GALNT13: variants seen among roughly 807,000 people sequenced by gnomAD.
GALNT13 encodes the protein polypeptide N-acetylgalactosaminyltransferase 13.
A neutral mutation model predicts 64.2 loss-of-function variants in GALNT13; 28 were observed. That is an observed-to-expected ratio of 0.44 (90% CI 0.32 to 0.60). The LOEUF (loss-of-function observed/expected upper bound fraction) is 0.60, where lower values mean the gene tolerates loss of function less well. Ranked by LOEUF, GALNT13 falls within the 20% of genes least tolerant of loss-of-function variation. GALNT13 has a pLI of 0.05. For synonymous variants in GALNT13, 214 were observed against 224.6 expected (o/e 0.95, Z 0.42); for missense variants, 577 against 669.8 (o/e 0.86, Z 1.53).
chr2:154,276,067 C>A (rs145917920), intron 8 of GALNT13, among the ~76,000 whole-genome samples: 7 of 152,196 alleles, frequency 4.6e-5, no homozygotes, highest in East Asian at 1.9e-4. Context: ...AGTGCCTGTA[C>A]CCCCATTGTA....
rs769652772 is a variant in GALNT13 at position 154,140,529 on chromosome 2, TC to T, written c.311+25del. 1.4e-5 allele frequency: 20 copies of T among 1,469,892 alleles called. No individual in the cohort carries two copies. The South Asian group carries it at 2.2e-4, about 16-fold the overall frequency. The allele number at this position is 1,469,892 out of a possible 1,614,324, so 91.1% of individuals were successfully genotyped here. A position where few individuals can be genotyped will look rare whatever the true frequency, so the allele number is the denominator to read the frequency against. Reference sequence around the variant, plus strand: ...GGGTAAGTTTGCATTTGTTATATAATCTTTTATATTCATAATCACCATATTT... The same window carrying T: ...GGGTAAGTTTGCATTTGTTATATAATTTTTATATTCATAATCACCATATTT... On this transcript the variant is annotated intron_variant, in intron 4 of 12. Coordinates refer to ENST00000392825, the MANE Select transcript of GALNT13 (RefSeq NM_052917.4).
chr2:154,370,117 TA>T (rs2105308027), intron 9 of GALNT13, among the ~76,000 whole-genome samples: 1 of 152,218 alleles, frequency 6.6e-6, no homozygotes, highest in East Asian at 1.9e-4. Context: ...TATTGGGGGT[TA>T]GTGTTTCAAC....
intron 3 of GALNT13, among the ~76,000 whole-genome samples, chr2:154,070,181 A>G (rs1428715653): frequency 6.6e-6 from 1 of 152,122 alleles, no homozygotes; most frequent in Non-Finnish European, 1.5e-5. Context: ...TCACTCATTT[A>G]TTGAGCCTAT....
intron 8 of GALNT13, among the ~76,000 whole-genome samples, chr2:154,261,180 G>A (rs1046844020): frequency 3.9e-5 from 6 of 152,112 alleles, no homozygotes; most frequent in Non-Finnish European, 7.4e-5. Context: ...GGTACAGAAG[G>A]AATGCAGCTA....
At chr2:153,108,295 G>C in the GALNT13 span, among the ~76,000 whole-genome samples, 10 of 152,188 alleles carry the variant, frequency 6.6e-5, 1 homozygote, top group East Asian at 3.9e-4. Flanking sequence ...TCATGTGGTA[G>C]TCACTTTGCA....
intron 4 of GALNT13, among the ~76,000 whole-genome samples, chr2:154,212,109 T>A (rs1687804890): frequency 1.3e-5 from 2 of 152,062 alleles, no homozygotes; most frequent in Admixed American, 1.3e-4. Context: ...CAGATTGAAT[T>A]GTGTTGGAAA....
the GALNT13 span, among the ~76,000 whole-genome samples, chr2:153,824,710 T>C: frequency 6.6e-6 from 1 of 152,168 alleles, no homozygotes; most frequent in Non-Finnish European, 1.5e-5. Context: ...TTCCTAATGT[T>C]GAAAGTGGGG....
chr2:153,102,302 T>G, the GALNT13 span, among the ~76,000 whole-genome samples: 7 of 152,074 alleles, frequency 4.6e-5, no homozygotes, highest in Admixed American at 3.3e-4. Context: ...TTCATTCCTT[T>G]TTTTCAAATG....
At chr2:153,189,946 G>A in the GALNT13 span, among the ~76,000 whole-genome samples, 6 of 151,972 alleles carry the variant, frequency 3.9e-5, no homozygotes, top group South Asian at 2.1e-4. Context: ...ATTTTTAATG[G>A]AACGTTTTTA....
At chr2:154,130,547 TATATATA>T (rs1479977475) in intron 3 of GALNT13, among the ~76,000 whole-genome samples, 4 of 152,202 alleles carry the variant, frequency 2.6e-5, no homozygotes, top group Admixed American at 1.3e-4. Context: ...TTGTGAAAGA[TATATATA>T]TTTTTTACTT....
At chr2:153,255,795 CCCACTCT>C in the GALNT13 span, among the ~76,000 whole-genome samples, 1 of 152,124 alleles carries the variant, frequency 6.6e-6, no homozygotes, top group Non-Finnish European at 1.5e-5. Context: ...AATATTGGCC[CCCACTCT>C]CTTCTGGCTG....
intron 3 of GALNT13, among the ~76,000 whole-genome samples, chr2:154,009,397 A>G (rs1204104851): frequency 6.6e-6 from 1 of 151,816 alleles, no homozygotes. Context: ...TTTTGGTTCC[A>G]TATGACTTTT....
chr2:154,378,398 C>G (rs1042837036), intron 9 of GALNT13, among the ~76,000 whole-genome samples: 10 of 152,160 alleles, frequency 6.6e-5, no homozygotes, highest in Admixed American at 6.6e-4. Flanking sequence ...GAAGGACTCA[C>G]TTCCACACCT....
chr2:154,282,519 G>A (rs1418541526), intron 8 of GALNT13, among the ~76,000 whole-genome samples: 2 of 151,986 alleles, frequency 1.3e-5, no homozygotes, highest in African/African-American at 4.8e-5. Context: ...TAAATATATG[G>A]CCAAAAACAC....
At chr2:154,109,963 A>G (rs6706444) in intron 3 of GALNT13, among the ~76,000 whole-genome samples, 35,671 of 151,792 alleles carry the variant, frequency 0.23, 6,728 homozygotes, top group East Asian at 0.74. Context: ...TTCTGGCTTT[A>G]GTAGCAGACA....
the GALNT13 span, among the ~76,000 whole-genome samples, chr2:153,241,246 C>T: frequency 3.9e-5 from 6 of 152,130 alleles, no homozygotes; most frequent in Admixed American, 2.0e-4. Context: ...ATCCACTCTT[C>T]GTCTTGCCCA....
chr2:153,567,584 C>T, the GALNT13 span, among the ~76,000 whole-genome samples: 37 of 152,268 alleles, frequency 2.4e-4, no homozygotes, highest in Non-Finnish European at 4.7e-4. Flanking sequence ...TGAGAATCAA[C>T]AGACCAAAGT....
At chr2:153,095,198 A>C in the GALNT13 span, among the ~76,000 whole-genome samples, 1 of 152,346 alleles carries the variant, frequency 6.6e-6, no homozygotes, top group Non-Finnish European at 1.5e-5. Flanking sequence ...ACAAGAAAAA[A>C]TCAAACAACC....
chr2:153,704,975 C>A, the GALNT13 span, among the ~76,000 whole-genome samples: 1 of 152,100 alleles, frequency 6.6e-6, no homozygotes, highest in African/African-American at 2.4e-5. Context: ...AATTCAATAA[C>A]CTCATTTATA....
Sources: gnomAD v4.1 joint callset for allele counts (sites outside exome capture counted in the v4.1 genomes callset) on GRCh38, gnomAD v4.1.1 for gene constraint, MANE v1.5 for transcripts, NCBI Gene and HGNC (gene_info 2026-07-23, HGNC 2026-07-21) for gene names.